The following PABPC4L variants were observed in gnomAD, a reference collection of about 807,000 sequenced individuals.
PABPC4L encodes poly(A) binding protein cytoplasmic 4 like, also known as polyadenylate-binding protein 4-like.
For missense variants in PABPC4L, 452 were observed against 451.4 expected (o/e 1.00, Z -0.01); for synonymous variants, 169 against 164.1 (o/e 1.03, Z -0.23).
At chr4:134,083,767 G>A in the PABPC4L span, among the ~76,000 whole-genome samples, 8 of 152,118 alleles carry the variant, frequency 5.3e-5, no homozygotes, top group African/African-American at 1.9e-4. Flanking sequence ...AGGTCTAAAA[G>A]CATCATCAGA....
At chr4:134,175,474 G>C in the PABPC4L span, among the ~76,000 whole-genome samples, 2 of 150,372 alleles carry the variant, frequency 1.3e-5, no homozygotes, top group Admixed American at 6.6e-5. Flanking sequence ...TTTGAGACAG[G>C]GTCTCGCTCT....
the PABPC4L span, among the ~76,000 whole-genome samples, chr4:134,072,831 CA>C: frequency 1.3e-5 from 2 of 152,180 alleles, no homozygotes; most frequent in African/African-American, 4.8e-5. Context: ...AGCTGACGAG[CA>C]CAAGGGGGAA....
chr4:134,130,074 A>C, the PABPC4L span, among the ~76,000 whole-genome samples: 241 of 151,708 alleles, frequency 1.6e-3, no homozygotes, highest in Non-Finnish European at 2.5e-3. Context: ...AAAAAAAAAA[A>C]AAAAAAACAA....
At chr4:134,192,471 A>G (rs1020730865), downstream of PABPC4L, among the ~76,000 whole-genome samples, 3 of 152,116 alleles carry the variant, frequency 2.0e-5, no homozygotes, top group Non-Finnish European at 2.9e-5. Context: ...ATTTTGCACA[A>G]TCTTGTGAGT....
the PABPC4L span, among the ~76,000 whole-genome samples, chr4:133,954,138 T>C: frequency 3.3e-5 from 5 of 152,174 alleles, no homozygotes; most frequent in Admixed American, 3.3e-4. Context: ...AAGGGAACAC[T>C]GGGTTTAATT....
the PABPC4L span, among the ~76,000 whole-genome samples, chr4:134,072,489 A>T: frequency 6.6e-6 from 1 of 152,322 alleles, no homozygotes; most frequent in Non-Finnish European, 1.5e-5. Flanking sequence ...ACTTCTTTAG[A>T]ATTGTAGGTG....
the PABPC4L span, among the ~76,000 whole-genome samples, chr4:134,033,925 G>C: frequency 2.1e-4 from 32 of 152,044 alleles, no homozygotes; most frequent in Admixed American, 9.9e-4. Context: ...AATTGATAAA[G>C]GTGGCTACAC....
the PABPC4L span, among the ~76,000 whole-genome samples, chr4:134,090,148 A>T: frequency 6.6e-6 from 1 of 151,546 alleles, no homozygotes; most frequent in South Asian, 2.1e-4. Flanking sequence ...GTTCTGCATG[A>T]CTCCCATAAG....
At chr4:134,039,773 C>T in the PABPC4L span, among the ~76,000 whole-genome samples, 1 of 152,022 alleles carries the variant, frequency 6.6e-6, no homozygotes. Flanking sequence ...GACTCTTTAT[C>T]TAATCTGCCA....
chr4:134,034,007 C>T, the PABPC4L span, among the ~76,000 whole-genome samples: 15 of 151,944 alleles, frequency 9.9e-5, no homozygotes, highest in African/African-American at 2.7e-4. Flanking sequence ...ACTTTCATAG[C>T]GGGAGAGGAG....
At chr4:134,131,897 C>A in the PABPC4L span, among the ~76,000 whole-genome samples, 1 of 151,664 alleles carries the variant, frequency 6.6e-6, no homozygotes. Flanking sequence ...ATTAAGGAAA[C>A]CAGAAATAAA....
the PABPC4L span, among the ~76,000 whole-genome samples, chr4:134,009,197 A>G: frequency 2.0e-5 from 3 of 151,932 alleles, no homozygotes; most frequent in Non-Finnish European, 4.4e-5. Flanking sequence ...ATATACACAC[A>G]TATACACAAT....
chr4:134,062,682 T>C, the PABPC4L span, among the ~76,000 whole-genome samples: 1 of 152,134 alleles, frequency 6.6e-6, no homozygotes, highest in South Asian at 2.1e-4. Context: ...AATTTTATGA[T>C]ATTTTACTAT....
chr4:134,073,851 T>C, the PABPC4L span, among the ~76,000 whole-genome samples: 3 of 152,180 alleles, frequency 2.0e-5, no homozygotes, highest in Admixed American at 6.5e-5. Flanking sequence ...ATTTTAGCCA[T>C]GGCTGAAGCT....
At chr4:134,006,301 A>G in the PABPC4L span, among the ~76,000 whole-genome samples, 7 of 152,002 alleles carry the variant, frequency 4.6e-5, no homozygotes, top group East Asian at 9.7e-4. Context: ...ATATGTAGTT[A>G]CATCACATCT....
At chr4:134,184,563 A>G in the PABPC4L span, among the ~76,000 whole-genome samples, 1 of 151,926 alleles carries the variant, frequency 6.6e-6, no homozygotes, top group Non-Finnish European at 1.5e-5. Flanking sequence ...ATATCTTTTC[A>G]TGGCTTGACA....
At chr4:134,141,303 G>C in the PABPC4L span, among the ~76,000 whole-genome samples, 1 of 150,934 alleles carries the variant, frequency 6.6e-6, no homozygotes, top group Non-Finnish European at 1.5e-5. Context: ...AGAAAAGAGA[G>C]AACTGGTAAG....
At chr4:133,958,056 C>T in the PABPC4L span, among the ~76,000 whole-genome samples, 24 of 152,196 alleles carry the variant, frequency 1.6e-4, no homozygotes, top group Non-Finnish European at 2.9e-4. Flanking sequence ...CTCCTCATTA[C>T]TTATGCAAAT....
the PABPC4L span, among the ~76,000 whole-genome samples, chr4:134,125,362 G>A: frequency 2.0e-5 from 3 of 151,684 alleles, no homozygotes; most frequent in Non-Finnish European, 4.4e-5. Flanking sequence ...TGCACAAAGT[G>A]CAGGTTAGTT....
Sources: allele counts gnomAD v4.1 joint callset (sites outside exome capture counted in the v4.1 genomes callset), GRCh38; gene constraint gnomAD v4.1.1; transcripts MANE v1.5; gene names NCBI Gene and HGNC (gene_info 2026-07-23, HGNC 2026-07-21).